Variants in TP63 observed in about 807,000 individuals in gnomAD.
TP63 encodes the protein tumor protein 63.
TP63 carries 17 observed loss-of-function variants against 82.8 expected under a neutral mutation model. The observed-to-expected ratio is 0.21, with a 90% CI of 0.14 to 0.31. The LOEUF (loss-of-function observed/expected upper bound fraction) is 0.31. Ranked by LOEUF, TP63 falls within the 10% of genes least tolerant of loss-of-function variation. TP63 has a pLI of 1.00. For missense variants in TP63, 648 were observed against 895.3 expected (o/e 0.72, Z 3.52); for synonymous variants, 330 against 321.7 (o/e 1.03, Z -0.28).
In TP63 at chr3:189,867,929, C is replaced by T. The variant is rs763591139; in HGVS notation, c.979C>T (p.Leu327=). The T allele has an allele frequency of 1.9e-6, 3 of 1,613,766 alleles. No homozygotes were observed. The highest frequency in any genetic ancestry group is 2.5e-6 in the Non-Finnish European group (3 of 1,179,788). The part of the protein sequence containing the change: ...NRRPILIIVT[L]ETRDGQVLGR... ...CCGTCCAATTTTAATCATTGTTACTCTGGAAACCAGAGAGTAAGTGGCGTA... is the reference window on the plus strand; with the variant it reads ...CCGTCCAATTTTAATCATTGTTACTTTGGAAACCAGAGAGTAAGTGGCGTA... Residue 327 remains leucine (L), a synonymous_variant, in exon 7 of 14, where the codon CTG becomes TTG. Coordinates refer to ENST00000264731, the MANE Select transcript of TP63 (RefSeq NM_003722.5).
intron 1 of TP63, among the ~76,000 whole-genome samples, chr3:189,676,027 T>A (rs1229350474): frequency 6.6e-6 from 1 of 152,092 alleles, no homozygotes. Context: ...TATTGTGATA[T>A]AATTGAAATA....
intron 4 of TP63, among the ~76,000 whole-genome samples, chr3:189,824,954 C>G (rs1228787877): frequency 6.6e-6 from 1 of 152,090 alleles, no homozygotes. Flanking sequence ...TTTGGTTCCT[C>G]TCCTCTGTAA....
chr3:189,761,722 A>G (rs1722586603), intron 3 of TP63, among the ~76,000 whole-genome samples: 1 of 152,156 alleles, frequency 6.6e-6, no homozygotes, highest in South Asian at 2.1e-4. Flanking sequence ...TTACTGTATT[A>G]GTCCATTTTA....
At position 189,872,989 on chromosome 3, in the gene TP63, A is replaced by C. The variant is rs768470821; in HGVS notation, c.1343A>C (p.Gln448Pro). The C allele has an allele frequency of 6.2e-7, 1 of 1,614,182 alleles. No homozygotes were observed. Among genetic ancestry groups the C allele is most frequent in the South Asian group, 1.1e-5 (1 of 91,088 alleles). Residue 448 changes from glutamine (Q) to proline (P), a missense_variant, in exon 10 of 14, where the codon CAG becomes CCG. Physicochemically the swap from Gln to Pro is moderately conservative, Grantham distance 76 (BLOSUM62 -1). Coordinates refer to ENST00000264731, the MANE Select transcript of TP63 (RefSeq NM_003722.5). ...CAGCAGCAGCACCAGCACTTACTTC[A>C]GAAACAGTGAGTGTATCAACGTGTC... ...QQQQQHQHLL[Q>P]KQTSIQSPSS...
intron 1 of TP63, among the ~76,000 whole-genome samples, chr3:189,682,556 ATATATATATATAT>A (rs1560107467): frequency 3.9e-3 from 14 of 3,612 alleles, no homozygotes; most frequent in African/African-American, 6.4e-3. Flanking sequence ...AAAAAAAAAT[ATATATATATATAT>A]ATATATATAT....
intron 1 of TP63, among the ~76,000 whole-genome samples, chr3:189,667,142 C>T (rs1015827914): frequency 6.6e-6 from 1 of 150,806 alleles, no homozygotes; most frequent in African/African-American, 2.4e-5. Context: ...CACGACAGTC[C>T]CACTGAAGCT....
At chr3:189,757,582 C>T (rs1722273456) in intron 3 of TP63, among the ~76,000 whole-genome samples, 1 of 152,022 alleles carries the variant, frequency 6.6e-6, no homozygotes. Flanking sequence ...ATTATTAATC[C>T]TAAATAGAGC....
chr3:189,850,365 A>G (rs1294921273), intron 4 of TP63, among the ~76,000 whole-genome samples: 2 of 152,198 alleles, frequency 1.3e-5, no homozygotes, highest in Non-Finnish European at 2.9e-5. Context: ...ACATCTGAGT[A>G]TAAGACAAAA....
intron 1 of TP63, among the ~76,000 whole-genome samples, chr3:189,696,040 CTT>C (rs1717353213): frequency 6.6e-6 from 1 of 152,032 alleles, no homozygotes; most frequent in South Asian, 2.1e-4. Flanking sequence ...TCCTGACCTC[CTT>C]TGTATTTTAT....
At chr3:189,605,422 G>C in the TP63 span, among the ~76,000 whole-genome samples, 1 of 152,124 alleles carries the variant, frequency 6.6e-6, no homozygotes, top group Non-Finnish European at 1.5e-5. Flanking sequence ...TATATACCAT[G>C]GTGTCTTTTG....
At chr3:189,624,804 A>C in the TP63 span, among the ~76,000 whole-genome samples, 1 of 152,336 alleles carries the variant, frequency 6.6e-6, no homozygotes, top group East Asian at 1.9e-4. Context: ...TGTAGGACAT[A>C]TTCATATTTT....
rs115434468 is a variant in TP63, at chr3:189,777,232, T to A, written c.325-31040T>A. Among the ~76,000 whole-genome samples, 1,003 of 152,304 alleles carry A rather than the reference T, an allele frequency of 6.6e-3. 9 individuals carry two copies. Among genetic ancestry groups the A allele is most frequent in the African/African-American group, 0.023 (968 of 41,566 alleles). ...TTTATTTTGAGACAGAGTCTTGCTC[T>A]GTCATCTAGACTGGAGAGCAATGGC... On this transcript the variant is annotated intron_variant, in intron 3 of 13. Coordinates refer to ENST00000264731, the MANE Select transcript of TP63 (RefSeq NM_003722.5).
intron 1 of TP63, among the ~76,000 whole-genome samples, chr3:189,704,039 T>G (rs75106747): frequency 0.015 from 2,303 of 152,322 alleles, 51 homozygotes; most frequent in African/African-American, 0.053. Context: ...CCAGAGAACA[T>G]TTCTTTGGGT....
intron 3 of TP63, among the ~76,000 whole-genome samples, chr3:189,765,443 T>TTTTTTTTTTTTTC (rs1722882169): frequency 1.0e-5 from 1 of 100,426 alleles, no homozygotes; most frequent in African/African-American, 3.7e-5. Context: ...CTTTTTTTTT[T>TTTTTTTTTTTTTC]TTTTTTTTTT....
intron 4 of TP63, among the ~76,000 whole-genome samples, chr3:189,810,086 G>C (rs1727363929): frequency 6.6e-6 from 1 of 152,146 alleles, no homozygotes; most frequent in Admixed American, 6.5e-5. Context: ...TTCAACTGTA[G>C]AGCATGAACA....
At chr3:189,769,143 T>G (rs929336066) in intron 3 of TP63, among the ~76,000 whole-genome samples, 1 of 152,160 alleles carries the variant, frequency 6.6e-6, no homozygotes. Context: ...ATGTCTTGCC[T>G]TAAAAAGTGT....
intron 1 of TP63, among the ~76,000 whole-genome samples, chr3:189,664,968 G>A (rs1397163201): frequency 3.3e-5 from 5 of 152,068 alleles, no homozygotes; most frequent in African/African-American, 4.8e-5. Context: ...CAAACCAATT[G>A]TGAAATATAG....
chr3:189,859,207 T>G lies in TP63; in HGVS notation c.580-5025T>G, dbSNP rs547063265. Among the ~76,000 whole-genome samples, 6 of 152,320 alleles carry G rather than the reference T, an allele frequency of 3.9e-5. No homozygotes were observed. In the South Asian group the frequency reaches 1.0e-3, roughly 26 times the overall value. ...ATTTGATCATTATACAATATAGACA[T>G]GTATCAAAACATCACATTTTACCTA... On this transcript the variant is annotated intron_variant, in intron 4 of 13. Coordinates refer to ENST00000264731, the MANE Select transcript of TP63 (RefSeq NM_003722.5).
intron 1 of TP63, among the ~76,000 whole-genome samples, chr3:189,648,345 T>C (rs1229499596): frequency 6.8e-6 from 1 of 147,018 alleles, no homozygotes; most frequent in Non-Finnish European, 1.5e-5. Context: ...GCTTATTGTT[T>C]CTTATCTGTC....
Sources: allele counts gnomAD v4.1 joint callset (sites outside exome capture counted in the v4.1 genomes callset), GRCh38; gene constraint gnomAD v4.1.1; transcripts MANE v1.5; gene names NCBI Gene and HGNC (gene_info 2026-07-23, HGNC 2026-07-21).